The following YIPF7 variants were observed in gnomAD, a reference collection of about 807,000 sequenced individuals.
YIPF7 encodes protein YIPF7.
A neutral mutation model predicts 27.2 loss-of-function variants in YIPF7; 35 were observed. The observed-to-expected ratio is 1.29, with a 90% CI of 0.98 to 1.70. YIPF7 has a LOEUF of 1.70. Among genes scored for constraint, YIPF7 ranks in the 40% most tolerant of loss-of-function variants. YIPF7 has a pLI of 0.00. For missense variants in YIPF7, 358 were observed against 303.7 expected, an observed-to-expected ratio of 1.18 and a Z score of -1.33; for synonymous variants, 137 against 110.4, an observed-to-expected ratio of 1.24 and a Z score of -1.51.
intron 3 of YIPF7, among the ~76,000 whole-genome samples, chr4:44,633,621 A>AT (rs1168330119): frequency 1.3e-5 from 2 of 152,160 alleles, no homozygotes; most frequent in Non-Finnish European, 2.9e-5. Context: ...TTGGAAAGAA[A>AT]TGTTACTAGA....
chr4:44,648,517 TA>T (rs1417115773), intron 2 of YIPF7, among the ~76,000 whole-genome samples: 1 of 152,114 alleles, frequency 6.6e-6, no homozygotes, highest in East Asian at 1.9e-4. Flanking sequence ...TAACATATAA[TA>T]AAAACTCAAT....
chr4:44,624,868 G>A, intron 4 of YIPF7, 86 bp from the exon 5 acceptor site: 1 of 1,309,820 alleles, frequency 7.6e-7, no homozygotes, highest in Non-Finnish European at 1.0e-6. Flanking sequence ...GAGCATCTTA[G>A]AGTCAGTTCA....
chr4:44,643,066 G>T (rs770247672), intron 2 of YIPF7, among the ~76,000 whole-genome samples: 31 of 152,282 alleles, frequency 2.0e-4, no homozygotes, highest in Admixed American at 6.5e-4. Context: ...GGGCTCAGAA[G>T]AAGACAGGAA....
upstream of YIPF7, among the ~76,000 whole-genome samples, chr4:44,653,140 T>C (rs766969812): frequency 6.6e-6 from 1 of 151,408 alleles, no homozygotes; most frequent in Non-Finnish European, 1.5e-5. Context: ...TGGCAAGGAG[T>C]TTTGTGGTTT....
rs149333192 is a variant in YIPF7 at position 44,659,256 on chromosome 4, A to G, written c.-2+1193T>C. Among the ~76,000 whole-genome samples the G allele has an allele frequency of 6.9e-3, 1,045 of 152,342 alleles. 1 individual carries two copies. Among genetic ancestry groups the G allele is most frequent in the Non-Finnish European group, 0.011 (757 of 68,032 alleles). On this transcript the variant is annotated intron_variant, in intron 2 of 2. Coordinates refer to the YIPF7 transcript ENST00000508947. ...TTTAACTTAAGCTTGCCCTTACAATATGCACACATGGCTTCAAAGTCAGAG... is the reference window on the plus strand; with the variant it reads ...TTTAACTTAAGCTTGCCCTTACAATGTGCACACATGGCTTCAAAGTCAGAG...
chr4:44,655,961 T>A (rs1421733028), upstream of YIPF7, among the ~76,000 whole-genome samples: 1 of 152,018 alleles, frequency 6.6e-6, no homozygotes, highest in Non-Finnish European at 1.5e-5. Flanking sequence ...GGATTTTGCT[T>A]CATTAATACT....
chr4:44,636,090 A>G lies in YIPF7; in HGVS notation c.117-5T>C. 6.3e-7 allele frequency: 1 copy of G among 1,597,034 alleles called. No homozygotes were observed. Among genetic ancestry groups the G allele is most frequent in the Non-Finnish European group, 8.5e-7 (1 of 1,171,144 alleles). ...GGCTGCTCACCAGCTTGTTGTCTAG[A>G]AAAAGAAAAATACAAACATTTACAT... On this transcript the variant is annotated splice_region_variant and splice_polypyrimidine_tract_variant and intron_variant, in intron 2 of 5. Coordinates refer to ENST00000415895, the MANE Select transcript of YIPF7 (RefSeq NM_182592.3).
chr4:44,641,271 G>A (rs1369210863), intron 2 of YIPF7, among the ~76,000 whole-genome samples: 1 of 152,014 alleles, frequency 6.6e-6, no homozygotes, highest in Non-Finnish European at 1.5e-5. Context: ...TATATTAGAA[G>A]TGTGATTGTC....
chr4:44,635,532 G>A (rs976945061), intron 3 of YIPF7, among the ~76,000 whole-genome samples: 2 of 152,110 alleles, frequency 1.3e-5, no homozygotes, highest in African/African-American at 4.8e-5. Flanking sequence ...TTGCTCCCAG[G>A]AAAACATAGC....
chr4:44,655,953 A>T (rs141797328), upstream of YIPF7, among the ~76,000 whole-genome samples: 984 of 152,040 alleles, frequency 6.5e-3, 12 homozygotes, highest in African/African-American at 0.023. Flanking sequence ...AAATTAAAGG[A>T]TTTTGCTTCA....
At chr4:44,636,504 C>T (rs1178951726) in intron 2 of YIPF7, among the ~76,000 whole-genome samples, 1 of 152,170 alleles carries the variant, frequency 6.6e-6, no homozygotes, top group Non-Finnish European at 1.5e-5. Context: ...ATCTGCTCGC[C>T]ACACACTGAT....
chr4:44,629,218 T>C (rs565092197), intron 4 of YIPF7, 185 bp downstream of exon 4: 1 of 581,662 alleles, frequency 1.7e-6, no homozygotes, highest in South Asian at 8.1e-5. Flanking sequence ...TTTAAATTTA[T>C]ACTTTTTAGC....
At chr4:44,632,104 C>A (rs1712921333) in intron 3 of YIPF7, among the ~76,000 whole-genome samples, 1 of 151,968 alleles carries the variant, frequency 6.6e-6, no homozygotes, top group Admixed American at 6.6e-5. Context: ...CAAATATTTT[C>A]ATAATAATAA....
At chr4:44,641,660 C>T (rs1265475652) in intron 2 of YIPF7, among the ~76,000 whole-genome samples, 3 of 152,160 alleles carry the variant, frequency 2.0e-5, no homozygotes, top group Non-Finnish European at 4.4e-5. Context: ...CTAAGAATAA[C>T]ATATTCGACC....
intron 1 of YIPF7, among the ~76,000 whole-genome samples, chr4:44,650,835 C>T (rs910761507): frequency 7.2e-5 from 11 of 151,824 alleles, no homozygotes; most frequent in Admixed American, 6.6e-4. Flanking sequence ...CCAGGAATAC[C>T]AGAGGGAAAA....
chr4:44,636,614 T>C (rs1219416656), intron 2 of YIPF7, among the ~76,000 whole-genome samples: 7 of 152,124 alleles, frequency 4.6e-5, no homozygotes, highest in Non-Finnish European at 5.9e-5. Flanking sequence ...TATAGTCAAC[T>C]GATAGGAAAA....
upstream of YIPF7, among the ~76,000 whole-genome samples, chr4:44,655,219 T>C (rs1480092364): frequency 5.3e-5 from 8 of 152,064 alleles, no homozygotes. Context: ...AAATACTGCA[T>C]ACTCAGAATC....
intron 2 of YIPF7, among the ~76,000 whole-genome samples, chr4:44,648,925 T>C (rs1357271568): frequency 6.6e-6 from 1 of 152,180 alleles, no homozygotes; most frequent in African/African-American, 2.4e-5. Flanking sequence ...ATCAAATTCT[T>C]AATCATTTTG....
At chr4:44,652,052 T>C (rs1033678860), upstream of YIPF7, among the ~76,000 whole-genome samples, 1 of 152,224 alleles carries the variant, frequency 6.6e-6, no homozygotes, top group Non-Finnish European at 1.5e-5. Context: ...TCTATTTATA[T>C]GAGCAATATT....
Sources: allele counts gnomAD v4.1 joint callset (sites outside exome capture counted in the v4.1 genomes callset), GRCh38; gene constraint gnomAD v4.1.1; transcripts MANE v1.5; gene names NCBI Gene and HGNC (gene_info 2026-07-23, HGNC 2026-07-21).